Variants in ARHGEF3 observed in about 807,000 individuals in gnomAD.
ARHGEF3 encodes the protein 59.8 kDA protein.
In ARHGEF3, 28 loss-of-function variants were observed where a neutral mutation model predicts 63.2. That is an observed-to-expected ratio of 0.44 (90% confidence interval 0.33 to 0.61). The LOEUF is 0.61. Ranked by LOEUF, ARHGEF3 falls within the 20% of genes least tolerant of loss-of-function variation. The pLI, the probability that ARHGEF3 is intolerant of heterozygous loss-of-function variation, is 0.03. For missense variants in ARHGEF3, 533 were observed against 659.3 expected (o/e 0.81, Z 2.10); for synonymous variants, 266 against 254.2 (o/e 1.05, Z -0.44).
intron 2 of ARHGEF3, among the ~76,000 whole-genome samples, chr3:57,002,513 T>TGTTATATATATATATAG (rs1560123143): frequency 1.2e-5 from 1 of 81,902 alleles, no homozygotes; most frequent in African/African-American, 4.0e-5. Flanking sequence ...TATATATATA[T>TGTTATATATATATATAG]GTTATATATG....
intron 2 of ARHGEF3, among the ~76,000 whole-genome samples, chr3:57,018,667 C>T (rs9880178): frequency 0.016 from 2,503 of 152,244 alleles, 79 homozygotes; most frequent in African/African-American, 0.057. Context: ...GGTTGTGATG[C>T]TTTACGTTTA....
intron 4 of ARHGEF3, among the ~76,000 whole-genome samples, chr3:56,843,220 C>T (rs962191970): frequency 3.3e-5 from 5 of 152,102 alleles, no homozygotes; most frequent in Admixed American, 3.3e-4. Flanking sequence ...CTTAGCTTAG[C>T]ACACAAATGA....
chr3:56,798,029 A>G (rs936348218), intron 1 of ARHGEF3, among the ~76,000 whole-genome samples: 6 of 152,200 alleles, frequency 3.9e-5, no homozygotes, highest in Admixed American at 2.0e-4. Flanking sequence ...CATAAAGTGG[A>G]GAGAACAGTA....
chr3:57,007,477 G>A (rs1702512860), intron 2 of ARHGEF3: 1 of 799,486 alleles, frequency 1.3e-6, no homozygotes, highest in African/African-American at 1.8e-5. Flanking sequence ...CAGGCATCTT[G>A]GTTTTCTGCA....
chr3:56,795,489 A>C (rs2037303672), intron 1 of ARHGEF3, among the ~76,000 whole-genome samples: 1 of 152,172 alleles, frequency 6.6e-6, no homozygotes, highest in Admixed American at 6.6e-5. Flanking sequence ...GCTTCAATTA[A>C]CTGAAATTTA....
At chr3:56,948,973 C>T (rs1363641784) in intron 3 of ARHGEF3, among the ~76,000 whole-genome samples, 9 of 152,054 alleles carry the variant, frequency 5.9e-5, no homozygotes, top group Non-Finnish European at 1.3e-4. Context: ...GCTGGTTCAA[C>T]ATACGCAAAT....
At chr3:56,934,557 G>A (rs1006442202) in intron 3 of ARHGEF3, among the ~76,000 whole-genome samples, 2 of 152,348 alleles carry the variant, frequency 1.3e-5, no homozygotes, top group Middle Eastern at 3.4e-3. Flanking sequence ...CCCCGCACTC[G>A]GAGCAGCTGC....
chr3:56,747,907 G>T (rs1006075210), intron 6 of ARHGEF3, among the ~76,000 whole-genome samples: 2 of 152,174 alleles, frequency 1.3e-5, no homozygotes, highest in Non-Finnish European at 2.9e-5. Context: ...AAGCCTCAGT[G>T]TCTCCACCTA....
intron 2 of ARHGEF3, among the ~76,000 whole-genome samples, chr3:57,002,498 T>TTATATATATATATATATATATATATGTTA (rs1553802543): frequency 3.0e-4 from 4 of 13,488 alleles, no homozygotes; most frequent in Non-Finnish European, 6.1e-4. Context: ...TATATATATG[T>TTATATATATATATATATATATATATGTTA]TATATATATA....
chr3:56,824,582 AG>A (rs1559970896), intron 4 of ARHGEF3, among the ~76,000 whole-genome samples: 1 of 152,228 alleles, frequency 6.6e-6, no homozygotes, highest in African/African-American at 2.4e-5. Flanking sequence ...TTAAAAGCCT[AG>A]CCTTTGAACC....
intron 4 of ARHGEF3, among the ~76,000 whole-genome samples, chr3:56,832,760 C>T (rs999720408): frequency 5.9e-5 from 9 of 152,178 alleles, no homozygotes; most frequent in African/African-American, 2.2e-4. Flanking sequence ...CCTGTATCTC[C>T]CAAATCTCCC....
chr3:56,894,298 G>A (rs546584345), intron 3 of ARHGEF3, among the ~76,000 whole-genome samples: 6 of 152,180 alleles, frequency 3.9e-5, no homozygotes, highest in Admixed American at 6.5e-5. Flanking sequence ...ATGTATCTAC[G>A]GCATTTGCAC....
chr3:56,899,854 A>G (rs9683107), intron 3 of ARHGEF3, among the ~76,000 whole-genome samples: 6,215 of 152,144 alleles, frequency 0.041, 430 homozygotes, highest in African/African-American at 0.14. Flanking sequence ...GATGTGAACC[A>G]CTCCTGGCAC....
At chr3:56,752,222 A>G (rs776959503) in intron 4 of ARHGEF3, among the ~76,000 whole-genome samples, 17 of 150,098 alleles carry the variant, frequency 1.1e-4, no homozygotes, top group Non-Finnish European at 2.1e-4. Context: ...CACCCAGCCT[A>G]ATTTTTGTAT....
intron 2 of ARHGEF3, among the ~76,000 whole-genome samples, chr3:56,992,017 C>CCT (rs569120713): frequency 0.055 from 7,211 of 130,624 alleles, 336 homozygotes; most frequent in Admixed American, 0.089. Context: ...TCTCTCCCCT[C>CCT]CTCTCTCTGT....
chr3:56,755,265 A>G (rs947186437), intron 2 of ARHGEF3, 114 bp from the exon 3 acceptor site: 20 of 1,225,438 alleles, frequency 1.6e-5, no homozygotes, highest in Non-Finnish European at 2.0e-5. Flanking sequence ...GAAAAAGAGG[A>G]CATTGCCACA....
At chr3:56,759,949 A>C (rs2035324629) in intron 2 of ARHGEF3, among the ~76,000 whole-genome samples, 1 of 152,176 alleles carries the variant, frequency 6.6e-6, no homozygotes, top group African/African-American at 2.4e-5. Context: ...CCATTACCTC[A>C]AATTCACGTA....
intron 3 of ARHGEF3, among the ~76,000 whole-genome samples, chr3:56,935,739 C>A (rs190965563): frequency 3.9e-5 from 6 of 152,134 alleles, no homozygotes; most frequent in African/African-American, 4.8e-5. Context: ...AAACTCCACA[C>A]GCGCCACCTT....
intron 2 of ARHGEF3, among the ~76,000 whole-genome samples, chr3:57,002,752 TAGA>T (rs1430946464): frequency 1.3e-5 from 2 of 148,180 alleles, no homozygotes; most frequent in South Asian, 2.1e-4. Context: ...AATTATGCCT[TAGA>T]AGAAGAAGTT....
Sources: allele counts gnomAD v4.1 joint callset (sites outside exome capture counted in the v4.1 genomes callset), GRCh38; gene constraint gnomAD v4.1.1; transcripts MANE v1.5; gene names NCBI Gene and HGNC (gene_info 2026-07-23, HGNC 2026-07-21).